ZMAT4: variants seen among roughly 807,000 people sequenced by gnomAD.
ZMAT4 encodes zinc finger matrin-type 4.
In ZMAT4, 17 loss-of-function variants were observed where a neutral mutation model predicts 28.7. The observed-to-expected ratio is 0.59, with a 90% CI of 0.41 to 0.89. ZMAT4 has a LOEUF of 0.89. Among genes scored for constraint, ZMAT4 ranks in the 40% least tolerant of loss-of-function variants. ZMAT4 has a pLI of 0.00. For synonymous variants in ZMAT4, 117 were observed against 109.2 expected (o/e 1.07, Z -0.44); for missense variants, 240 against 283.8 (o/e 0.85, Z 1.11).
intron 5 of ZMAT4, among the ~76,000 whole-genome samples, chr8:40,616,678 T>C (rs1459168829): frequency 6.6e-6 from 1 of 152,038 alleles, no homozygotes; most frequent in Non-Finnish European, 1.5e-5. Context: ...TATGTGGGAA[T>C]TGAACAATGA....
At position 40,559,095 on chromosome 8, in the gene ZMAT4, T is replaced by C. The variant is rs184326273; in HGVS notation, c.674+22070A>G. On this transcript the variant is annotated intron_variant, in intron 6 of 6. Transcript: ENST00000297737. Reference sequence around the variant, plus strand: ...GCACTGGCTTTGAGACAAGCAGTGTTGAAACAATTGCAGCTCGCCCACCAC... The same window carrying C: ...GCACTGGCTTTGAGACAAGCAGTGTCGAAACAATTGCAGCTCGCCCACCAC... Among the ~76,000 whole-genome samples, 183 of 152,256 alleles carry C rather than the reference T, an allele frequency of 1.2e-3. 2 individuals are homozygous for C. The highest frequency in any genetic ancestry group is 4.1e-3 in the African/African-American group (171 of 41,564).
At position 40,643,971 on chromosome 8, in the gene ZMAT4, T is replaced by C. The variant is rs555296313; in HGVS notation, c.577+30733A>G. ...GATCCCAAAAACATTTCCAGCAATA[T>C]TAAGTTTAAACTTTCTCCTGAGGAC... On this transcript the variant is annotated intron_variant, in intron 5 of 6. Transcript: ENST00000297737. Among the ~76,000 whole-genome samples, 6 of 152,278 alleles carry C rather than the reference T, an allele frequency of 3.9e-5. No homozygotes were observed. The East Asian group carries it at 1.2e-3, about 29-fold the overall frequency.
intron 3 of ZMAT4, among the ~76,000 whole-genome samples, chr8:40,715,180 G>GT (rs1810796492): frequency 6.6e-6 from 1 of 152,138 alleles, no homozygotes; most frequent in African/African-American, 2.4e-5. Flanking sequence ...GGAACAGTGA[G>GT]TAGAGAGGCC....
At chr8:40,832,133 A>T (rs1391584837) in intron 1 of ZMAT4, among the ~76,000 whole-genome samples, 5 of 152,092 alleles carry the variant, frequency 3.3e-5, no homozygotes, top group African/African-American at 1.2e-4. Flanking sequence ...CATGCCCTTC[A>T]GTTTGTCCCC....
chr8:40,622,796 C>A (rs1806245786), intron 5 of ZMAT4, among the ~76,000 whole-genome samples: 1 of 152,094 alleles, frequency 6.6e-6, no homozygotes, highest in Non-Finnish European at 1.5e-5. Context: ...AAGAGCAAGA[C>A]CTTACTCATT....
chr8:40,768,379 T>A (rs1454097361), intron 2 of ZMAT4, among the ~76,000 whole-genome samples: 1 of 152,210 alleles, frequency 6.6e-6, no homozygotes, highest in Non-Finnish European at 1.5e-5. Context: ...TTTCTGGCTA[T>A]ACTGACTGGT....
intron 2 of ZMAT4, among the ~76,000 whole-genome samples, chr8:40,793,807 T>C (rs530709425): frequency 6.6e-6 from 1 of 152,314 alleles, no homozygotes; most frequent in South Asian, 2.1e-4. Context: ...TTACAATCCA[T>C]CTGAATTCCT....
At chr8:40,655,587 G>A (rs75601426) in intron 5 of ZMAT4, among the ~76,000 whole-genome samples, 1,513 of 150,398 alleles carry the variant, frequency 0.01, 22 homozygotes, top group African/African-American at 0.034. Context: ...AAGATTGTGC[G>A]GTGTTGCAGA....
At chr8:40,548,793 C>A (rs1803277522) in intron 6 of ZMAT4, among the ~76,000 whole-genome samples, 1 of 152,032 alleles carries the variant, frequency 6.6e-6, no homozygotes, top group Non-Finnish European at 1.5e-5. Flanking sequence ...AATTCTTTGT[C>A]CATTTGGTGA....
chr8:40,772,035 C>G (rs1813409399), intron 2 of ZMAT4, among the ~76,000 whole-genome samples: 1 of 152,100 alleles, frequency 6.6e-6, no homozygotes, highest in Non-Finnish European at 1.5e-5. Context: ...AAAAAAGAAC[C>G]ATTACATTAA....
intron 1 of ZMAT4, among the ~76,000 whole-genome samples, chr8:40,863,534 G>C (rs1275041477): frequency 6.6e-6 from 1 of 152,220 alleles, no homozygotes; most frequent in African/African-American, 2.4e-5. Flanking sequence ...GGAGGTGGAA[G>C]TGGAGGCTGT....
In ZMAT4 at chr8:40,610,053, T is replaced by C. The variant is rs546617191; in HGVS notation, c.578-28792A>G. ...GTCCTGCAATTGTAACAGATTCTAA[T>C]TGGTGAATGCTACATAGTTTATTTC... On this transcript the variant is annotated intron_variant, in intron 5 of 6. Transcript: ENST00000297737. 8.5e-5 allele frequency among the ~76,000 whole-genome samples: 13 copies of C among 152,372 alleles called. No homozygotes were observed. In the East Asian group the frequency reaches 1.9e-3, roughly 23 times the overall value.
intron 3 of ZMAT4, among the ~76,000 whole-genome samples, chr8:40,740,669 A>C (rs1204421385): frequency 6.6e-6 from 1 of 152,194 alleles, no homozygotes; most frequent in Non-Finnish European, 1.5e-5. Context: ...AGATTGGTGC[A>C]TATAAAGATG....
rs375109573 is a variant in ZMAT4 at position 40,626,981 on chromosome 8, C to A, written c.578-45720G>T. 2.6e-4 allele frequency among the ~76,000 whole-genome samples: 39 copies of A among 152,240 alleles called. 1 individual carries two copies. In the East Asian group the frequency reaches 3.7e-3, roughly 14 times the overall value. On this transcript the variant is annotated intron_variant, in intron 5 of 6. Transcript: ENST00000297737. ...TGACTCTAAAGCTTCTCCTAATAACCCTGCTCTGAATGATCCACGCCCTTT... is the reference window on the plus strand; with the variant it reads ...TGACTCTAAAGCTTCTCCTAATAACACTGCTCTGAATGATCCACGCCCTTT...
intron 3 of ZMAT4, among the ~76,000 whole-genome samples, chr8:40,729,314 G>T (rs994601110): frequency 6.6e-6 from 1 of 152,184 alleles, no homozygotes; most frequent in African/African-American, 2.4e-5. Context: ...GTATCCAAAT[G>T]GGAGGTCTGT....
intron 5 of ZMAT4, among the ~76,000 whole-genome samples, chr8:40,665,030 A>G (rs1011209045): frequency 6.6e-6 from 1 of 152,174 alleles, no homozygotes; most frequent in African/African-American, 2.4e-5. Context: ...GAAAGCTCAC[A>G]GCAGAAATAA....
chr8:40,740,005 G>T (rs1027114848), intron 3 of ZMAT4, among the ~76,000 whole-genome samples: 1 of 152,142 alleles, frequency 6.6e-6, no homozygotes, highest in African/African-American at 2.4e-5. Context: ...AGTATTCCAT[G>T]GTGTATATGT....
At chr8:40,718,280 G>T (rs1231539992) in intron 3 of ZMAT4, among the ~76,000 whole-genome samples, 2 of 152,202 alleles carry the variant, frequency 1.3e-5, no homozygotes, top group Non-Finnish European at 2.9e-5. Context: ...TCACCAGCCT[G>T]CCATGGAGGT....
intron 1 of ZMAT4, chr8:40,884,456 A>C: frequency 2.0e-5 from 3 of 148,780 alleles, no homozygotes; most frequent in Non-Finnish European, 3.0e-5. Context: ...TTACAGCTCC[A>C]CTCCTCCATG....
Sources: gnomAD v4.1 joint callset for allele counts (sites outside exome capture counted in the v4.1 genomes callset) on GRCh38, gnomAD v4.1.1 for gene constraint, MANE v1.5 for transcripts, NCBI Gene and HGNC (gene_info 2026-07-23, HGNC 2026-07-21) for gene names.